ARMC9: variants seen among roughly 807,000 people sequenced by gnomAD.
ARMC9 encodes the protein lisH domain-containing protein ARMC9.
A neutral mutation model predicts 107.0 loss-of-function variants in ARMC9; 94 were observed. That is an observed-to-expected ratio of 0.88 (90% CI 0.74 to 1.04). The LOEUF (loss-of-function observed/expected upper bound fraction) is 1.04, where lower values mean the gene tolerates loss of function less well. ARMC9 is among the 50% of genes least tolerant of loss of function. ARMC9 has a pLI of 0.00. For missense variants in ARMC9, 942 were observed against 1,030.1 expected, an observed-to-expected ratio of 0.91 and a Z score of 1.17; for synonymous variants, 380 against 396.9, an observed-to-expected ratio of 0.96 and a Z score of 0.51.
chr2:231,287,556 C>T (rs1327056121), intron 17 of ARMC9, among the ~76,000 whole-genome samples: 5 of 152,088 alleles, frequency 3.3e-5, no homozygotes, highest in Non-Finnish European at 7.4e-5. Flanking sequence ...CTTTGCTTTG[C>T]TCTCCTTCCT....
chr2:231,217,417 CTACTA>C (rs1312869174), intron 5 of ARMC9, among the ~76,000 whole-genome samples: 4 of 152,038 alleles, frequency 2.6e-5, no homozygotes, highest in African/African-American at 9.7e-5. Flanking sequence ...GACCCCGTCT[CTACTA>C]AAAGTACAAA....
rs1274347341 is a variant in ARMC9 at position 231,374,263 on chromosome 2, A to G, written c.*2728A>G. ...ACTACCAAGGAAGCCACAGAGAGGG[A>G]TCTTTGGACCTTCTGGAAAATGGTA... On this transcript the variant is annotated 3_prime_UTR_variant, in exon 25 of 25. Coordinates refer to ENST00000611582, the MANE Select transcript of ARMC9 (RefSeq NM_001352754.2). The G allele has an allele frequency of 1.3e-5, 2 of 152,136 alleles. No homozygotes were observed. The highest frequency in any genetic ancestry group is 2.9e-5 in the Non-Finnish European group (2 of 68,030). The allele number at this position is 152,136 out of a possible 1,614,324, so 9.4% of individuals were successfully genotyped here.
intron 17 of ARMC9, among the ~76,000 whole-genome samples, chr2:231,286,543 AGAG>A (rs564496004): frequency 1.3e-5 from 2 of 152,240 alleles, no homozygotes; most frequent in South Asian, 4.1e-4. Context: ...GCACAGAAGA[AGAG>A]CTCTATGCAT....
intron 19 of ARMC9, among the ~76,000 whole-genome samples, chr2:231,307,010 G>A (rs932966434): frequency 5.3e-5 from 8 of 152,220 alleles, no homozygotes; most frequent in African/African-American, 1.9e-4. Context: ...GTTCCTCTGA[G>A]AGTGCCTCTC....
rs540862153 is a variant in ARMC9 at position 231,208,042 on chromosome 2, A to G, written c.52-85A>G. 6.3e-5 allele frequency: 41 copies of G among 654,236 alleles called. 1 individual carries two copies. In the South Asian group the frequency reaches 8.4e-4, roughly 13 times the overall value. 40.5% of individuals were successfully genotyped at this position (654,236 alleles called of 1,614,324 possible). A position where few individuals can be genotyped will look rare whatever the true frequency, so the allele number is the denominator to read the frequency against. ...GGTCTTTTTAATGTCTTCTTTGGAT[A>G]AATATCTATTCAGATCCTTTGGCTG... On this transcript the variant is annotated intron_variant, in intron 2 of 24. Coordinates refer to ENST00000611582, the MANE Select transcript of ARMC9 (RefSeq NM_001352754.2).
chr2:231,296,688 T>G (rs1420889576), intron 19 of ARMC9, among the ~76,000 whole-genome samples: 2 of 152,174 alleles, frequency 1.3e-5, no homozygotes, highest in African/African-American at 2.4e-5. Flanking sequence ...ACTGACCAGT[T>G]TTCTCTGTTA....
At chr2:231,257,094 C>T (rs149640619) in intron 10 of ARMC9, among the ~76,000 whole-genome samples, 32 of 152,326 alleles carry the variant, frequency 2.1e-4, no homozygotes, top group Admixed American at 7.8e-4. Flanking sequence ...GGAATATAGG[C>T]GTGAGCCACC....
At chr2:231,316,664 CA>C (rs780066527) in intron 19 of ARMC9, among the ~76,000 whole-genome samples, 90 of 130,770 alleles carry the variant, frequency 6.9e-4, no homozygotes, top group Middle Eastern at 4.1e-3. Context: ...GACTCCATCT[CA>C]AAAAAAAAAA....
At chr2:231,267,232 A>T (rs183920834) in intron 12 of ARMC9, among the ~76,000 whole-genome samples, 2,746 of 149,932 alleles carry the variant, frequency 0.018, 89 homozygotes, top group African/African-American at 0.064. Flanking sequence ...AGCAATATTT[A>T]TTTTTTTTTT....
In ARMC9 at chr2:231,375,926, G is replaced by A. The variant is rs1274579297; in HGVS notation, c.*4391G>A. On this transcript the variant is annotated 3_prime_UTR_variant, in exon 25 of 25. Coordinates refer to ENST00000611582, the MANE Select transcript of ARMC9 (RefSeq NM_001352754.2). The surrounding 1 kb of genome is among the most constrained non-coding windows in gnomAD (Gnocchi z 4.3). ...CTGGCTGAAGCCATGACAGAAGAAC[G>A]TGGATTGTGATGATTTCATGGACAT... 2.0e-5 allele frequency among the ~76,000 whole-genome samples: 3 copies of A among 152,302 alleles called. No individual in the cohort carries two copies. Among genetic ancestry groups the A allele is most frequent in the Middle Eastern group, 3.4e-3 (1 of 294 alleles).
At chr2:231,279,821 A>G (rs554813671) in intron 16 of ARMC9, among the ~76,000 whole-genome samples, 1 of 151,996 alleles carries the variant, frequency 6.6e-6, no homozygotes, top group East Asian at 1.9e-4. Flanking sequence ...GTCTGTTCCC[A>G]TTTCAAGCAG....
intron 19 of ARMC9, among the ~76,000 whole-genome samples, chr2:231,304,794 C>A (rs1008891475): frequency 6.6e-6 from 1 of 152,188 alleles, no homozygotes; most frequent in Non-Finnish European, 1.5e-5. Context: ...AGCTATTGAG[C>A]TCACAATGGC....
intron 17 of ARMC9, among the ~76,000 whole-genome samples, chr2:231,286,019 C>T (rs1017220998): frequency 1.3e-5 from 2 of 152,156 alleles, no homozygotes; most frequent in East Asian, 1.9e-4. Flanking sequence ...ACAAGGAAAA[C>T]GTTTCCCACA....
intron 21 of ARMC9, among the ~76,000 whole-genome samples, chr2:231,349,666 A>G (rs1325640063): frequency 6.6e-6 from 1 of 152,090 alleles, no homozygotes; most frequent in Non-Finnish European, 1.5e-5. Flanking sequence ...CCTGTAATCC[A>G]GCTCCTCGGG....
chr2:231,321,639 G>A (rs535095869), intron 19 of ARMC9, among the ~76,000 whole-genome samples: 152 of 152,158 alleles, frequency 1.0e-3, no homozygotes, highest in African/African-American at 3.2e-3. Flanking sequence ...AGGTTGGGGC[G>A]GGGACATACC....
rs145317177 is a variant in ARMC9 at position 231,231,367 on chromosome 2, A to C, written c.623-3857A>C. The stretch of plus-strand genomic sequence containing the variant: ...TAACTTATCTAATTTTGAACTCTCT[A>C]TATATATATGAAAAACTTTATTTGT... On this transcript the variant is annotated intron_variant, in intron 7 of 24. Coordinates refer to ENST00000611582, the MANE Select transcript of ARMC9 (RefSeq NM_001352754.2). 2.9e-3 allele frequency among the ~76,000 whole-genome samples: 439 copies of C among 151,816 alleles called. 4 individuals carry two copies. Among genetic ancestry groups the C allele is most frequent in the African/African-American group, 7.6e-3 (311 of 41,148 alleles).
At chr2:231,311,768 G>A (rs959398966) in intron 19 of ARMC9, among the ~76,000 whole-genome samples, 3 of 50,252 alleles carry the variant, frequency 6.0e-5, no homozygotes, top group Admixed American at 6.9e-4. Context: ...AGACTCCATC[G>A]CCAAAAAAAA....
Position 231,355,920 on chromosome 2 carries a change from G to T in ARMC9, c.2117G>T (p.Cys706Phe). The part of the protein sequence containing the change: ...REGKPSTPES[C>F]VSSSSAIIAK... ...GGCAAGCCCAGCACCCCGGAGTCCTGCGTCTCCTCTTCATGTAAGAATGTG... is the reference window on the plus strand; with the variant it reads ...GGCAAGCCCAGCACCCCGGAGTCCTTCGTCTCCTCTTCATGTAAGAATGTG... The change falls in exon 22 of 25, where the codon TGC becomes TTC. Residue 706 changes from cysteine (C) to phenylalanine (F), a missense_variant. Cys to Phe is a radical substitution (Grantham distance 205). Coordinates refer to ENST00000611582, the MANE Select transcript of ARMC9 (RefSeq NM_001352754.2). 1 of 1,535,590 alleles carries T rather than the reference G, an allele frequency of 6.5e-7. No individual in the cohort carries two copies. The highest frequency in any genetic ancestry group is 1.7e-4 in the Middle Eastern group (1 of 5,986).
chr2:231,205,548 G>A (rs2031847266), intron 1 of ARMC9, among the ~76,000 whole-genome samples: 2 of 152,198 alleles, frequency 1.3e-5, no homozygotes, highest in African/African-American at 2.4e-5. Context: ...CTGGGGTGTG[G>A]GCCATGGGGA....
Sources: allele counts gnomAD v4.1 joint callset (sites outside exome capture counted in the v4.1 genomes callset), GRCh38; gene constraint gnomAD v4.1.1; non-coding constraint Gnocchi (gnomAD v3.1); transcripts MANE v1.5; gene names NCBI Gene and HGNC (gene_info 2026-07-23, HGNC 2026-07-21).